Variants in PTPRT observed in about 807,000 individuals in gnomAD.
PTPRT encodes the protein receptor-type tyrosine-protein phosphatase T.
A neutral mutation model predicts 176.8 loss-of-function variants in PTPRT; 56 were observed. The ratio of observed to expected loss-of-function variants is 0.32; its 90% CI spans 0.26 to 0.40. The LOEUF (loss-of-function observed/expected upper bound fraction) is 0.40. Ranked by LOEUF, PTPRT falls within the 10% of genes least tolerant of loss-of-function variation. PTPRT has a pLI of 1.00. For missense variants in PTPRT, 1,540 were observed against 1,908.2 expected (o/e 0.81, Z 3.60); for synonymous variants, 783 against 739.0 (o/e 1.06, Z -0.96).
chr20:43,105,878 A>G (rs533052682), intron 1 of PTPRT, among the ~76,000 whole-genome samples: 1 of 151,900 alleles, frequency 6.6e-6, no homozygotes, highest in Non-Finnish European at 1.5e-5. Flanking sequence ...GGAGTTCTTC[A>G]TTCTTGGGTG....
In PTPRT at chr20:42,592,018, T is replaced by C. The variant is rs188879249; in HGVS notation, c.1153+85848A>G. On this transcript the variant is annotated intron_variant, in intron 7 of 30. Coordinates refer to ENST00000373187, the MANE Select transcript of PTPRT (RefSeq NM_007050.6). ...TTTTTGACATGGAGTCTCACTCTGT[T>C]GCCCAGGCTGGAGTGCAGTGGCACG... Among the ~76,000 whole-genome samples the C allele has an allele frequency of 3.9e-3, 576 of 146,936 alleles. 14 individuals carry two copies. Among genetic ancestry groups the C allele is most frequent in the Admixed American group, 0.035 (511 of 14,604 alleles).
At chr20:42,610,827 A>G (rs2073963524) in intron 7 of PTPRT, among the ~76,000 whole-genome samples, 1 of 152,212 alleles carries the variant, frequency 6.6e-6, no homozygotes, top group African/African-American at 2.4e-5. Context: ...CCCCAAAAAG[A>G]AATTCCATAC....
intron 2 of PTPRT, among the ~76,000 whole-genome samples, chr20:42,840,870 A>C (rs942136329): frequency 6.6e-6 from 1 of 152,072 alleles, no homozygotes; most frequent in African/African-American, 2.4e-5. Flanking sequence ...GCATCCCCAC[A>C]TATTTGGGAG....
At position 43,051,165 on chromosome 20, in the gene PTPRT, G is replaced by A. The variant is rs114358505; in HGVS notation, c.88+138481C>T. The stretch of plus-strand genomic sequence containing the variant: ...TCTAGCGAAAGTCTTTGAGTTCTTG[G>A]ATCAAGCTATACCTGAAATCTGGAC... On this transcript the variant is annotated intron_variant, in intron 1 of 30. Coordinates refer to ENST00000373187, the MANE Select transcript of PTPRT (RefSeq NM_007050.6). Among the ~76,000 whole-genome samples, 575 of 152,302 alleles carry A rather than the reference G, an allele frequency of 3.8e-3. 7 individuals carry two copies. The highest frequency in any genetic ancestry group is 0.013 in the African/African-American group (557 of 41,562).
At chr20:42,144,242 G>A (rs1281962793) in intron 17 of PTPRT, among the ~76,000 whole-genome samples, 2 of 152,118 alleles carry the variant, frequency 1.3e-5, no homozygotes, top group Non-Finnish European at 2.9e-5. Flanking sequence ...GAGAAGCCTG[G>A]GTTAGAAACA....
At chr20:43,085,629 G>C (rs1309809816) in intron 1 of PTPRT, among the ~76,000 whole-genome samples, 3 of 152,186 alleles carry the variant, frequency 2.0e-5, no homozygotes, top group Non-Finnish European at 4.4e-5. Context: ...AGGCAAGATA[G>C]AGCAGGTGCA....
At chr20:42,041,816 A>G in the PTPRT span, among the ~76,000 whole-genome samples, 2 of 151,644 alleles carry the variant, frequency 1.3e-5, no homozygotes, top group Non-Finnish European at 3.0e-5. Context: ...TACTATTATA[A>G]TTATCATTAT....
the PTPRT span, among the ~76,000 whole-genome samples, chr20:42,044,169 G>T: frequency 6.6e-6 from 1 of 152,186 alleles, no homozygotes; most frequent in African/African-American, 2.4e-5. Context: ...TAAGCCAAGG[G>T]CTTAGCAGCC....
intron 1 of PTPRT, among the ~76,000 whole-genome samples, chr20:42,956,665 A>G (rs1008914823): frequency 6.6e-5 from 10 of 152,064 alleles, no homozygotes; most frequent in Admixed American, 2.0e-4. Context: ...TAGAGCACCA[A>G]AGACTCTGCA....
chr20:42,862,459 T>C (rs2078679241), intron 2 of PTPRT, among the ~76,000 whole-genome samples: 1 of 152,150 alleles, frequency 6.6e-6, no homozygotes, highest in Non-Finnish European at 1.5e-5. Flanking sequence ...GTCTATTGTG[T>C]GTCCTCAAGC....
chr20:42,653,199 T>C (rs1328912948), intron 7 of PTPRT, among the ~76,000 whole-genome samples: 1 of 152,076 alleles, frequency 6.6e-6, no homozygotes, highest in Non-Finnish European at 1.5e-5. Context: ...AAGGGGCTTT[T>C]CCCCCACTTG....
chr20:42,378,368 T>C (rs2058669454), intron 9 of PTPRT, among the ~76,000 whole-genome samples: 2 of 152,366 alleles, frequency 1.3e-5, no homozygotes, highest in Non-Finnish European at 2.9e-5. Context: ...TCTCGAAAAG[T>C]CAGGATTTGG....
chr20:42,180,400 A>C (rs757014796), intron 16 of PTPRT, among the ~76,000 whole-genome samples: 3 of 152,048 alleles, frequency 2.0e-5, no homozygotes, highest in Non-Finnish European at 4.4e-5. Context: ...TAAAACTGCA[A>C]TCCTCCTCCA....
intron 7 of PTPRT, among the ~76,000 whole-genome samples, chr20:42,488,098 T>G (rs2071494319): frequency 2.0e-5 from 3 of 152,182 alleles, no homozygotes; most frequent in Admixed American, 1.3e-4. Flanking sequence ...TTTCAACCAT[T>G]GCATGGGGTT....
chr20:42,108,909 G>A (rs748917534), intron 23 of PTPRT, among the ~76,000 whole-genome samples: 15 of 152,296 alleles, frequency 9.8e-5, no homozygotes, highest in East Asian at 1.9e-4. Flanking sequence ...ATCATGCGCC[G>A]AAGTCCTGAT....
intron 9 of PTPRT, among the ~76,000 whole-genome samples, chr20:42,437,087 T>A (rs2059268723): frequency 6.6e-6 from 1 of 152,114 alleles, no homozygotes; most frequent in African/African-American, 2.4e-5. Context: ...GAGACGTAAG[T>A]GAGTAGAAAC....
Position 42,920,310 on chromosome 20 carries a change from T to C in PTPRT, c.89-34378A>G, listed in dbSNP as rs577891691. ...GTCAAGCACAAAAGACTATATGCCATATTATTCCTTTTATATAAAGTTATA... is the reference window on the plus strand; with the variant it reads ...GTCAAGCACAAAAGACTATATGCCACATTATTCCTTTTATATAAAGTTATA... On this transcript the variant is annotated intron_variant, in intron 1 of 30. Coordinates refer to ENST00000373187, the MANE Select transcript of PTPRT (RefSeq NM_007050.6). Among the ~76,000 whole-genome samples, 106 of 152,306 alleles carry C rather than the reference T, an allele frequency of 7.0e-4. 1 individual carries two copies. In the South Asian group the frequency reaches 0.021, roughly 30 times the overall value.
chr20:42,581,023 A>G (rs1172880717), intron 7 of PTPRT, among the ~76,000 whole-genome samples: 1 of 150,918 alleles, frequency 6.6e-6, no homozygotes, highest in Non-Finnish European at 1.5e-5. Flanking sequence ...TTCCTGACTT[A>G]CTCTCCTCCC....
At chr20:42,898,942 TCCAACCAGCCTGAAAAGTGGTCCCGC>T (rs2079351904) in intron 1 of PTPRT, among the ~76,000 whole-genome samples, 1 of 151,676 alleles carries the variant, frequency 6.6e-6, no homozygotes, top group African/African-American at 2.4e-5. Context: ...AGCTGGAGAG[TCCAACCAGCCTGAAAAGTGGTCCCGC>T]CCAACCCAGT....
Sources: allele counts gnomAD v4.1 joint callset (sites outside exome capture counted in the v4.1 genomes callset), GRCh38; gene constraint gnomAD v4.1.1; transcripts MANE v1.5; gene names NCBI Gene and HGNC (gene_info 2026-07-23, HGNC 2026-07-21).